The following GPC6 variants were observed in gnomAD, a reference collection of about 807,000 sequenced individuals.
GPC6 encodes the protein glypican 6, also known as glypican-6.
Under a neutral mutation model 55.2 loss-of-function variants are expected in GPC6, and 14 were observed. The observed-to-expected ratio is 0.25, with a 90% CI of 0.17 to 0.40. GPC6 has a LOEUF of 0.40. GPC6 is among the 10% of genes least tolerant of loss of function. The pLI, the probability that GPC6 is intolerant of heterozygous loss-of-function variation, is 1.00. For synonymous variants in GPC6, 278 were observed against 259.6 expected (o/e 1.07, Z -0.68); for missense variants, 641 against 708.5 (o/e 0.90, Z 1.08).
intron 1 of GPC6, among the ~76,000 whole-genome samples, chr13:93,324,457 T>C (rs1276642350): frequency 6.6e-6 from 1 of 151,278 alleles, no homozygotes; most frequent in African/African-American, 2.4e-5. Context: ...AAAGGATAGA[T>C]ACTTAGGGGG....
At chr13:93,600,943 C>G (rs974475049) in intron 2 of GPC6, among the ~76,000 whole-genome samples, 1 of 139,682 alleles carries the variant, frequency 7.2e-6, no homozygotes, top group African/African-American at 2.8e-5. Flanking sequence ...GTGGGAAATT[C>G]CGCCTCAAAA....
chr13:93,344,287 G>T (rs1880360255), intron 1 of GPC6, among the ~76,000 whole-genome samples: 1 of 152,190 alleles, frequency 6.6e-6, no homozygotes, highest in Non-Finnish European at 1.5e-5. Flanking sequence ...CAAGTGGGCA[G>T]GGCCAGAAGA....
intron 4 of GPC6, among the ~76,000 whole-genome samples, chr13:94,239,869 G>A (rs1029389839): frequency 1.3e-5 from 2 of 152,042 alleles, no homozygotes; most frequent in Non-Finnish European, 1.5e-5. Context: ...AGCTCTATTC[G>A]CCTTTCAAGT....
intron 1 of GPC6, among the ~76,000 whole-genome samples, chr13:93,494,639 C>G (rs1008593579): frequency 2.0e-5 from 3 of 152,076 alleles, no homozygotes; most frequent in African/African-American, 7.2e-5. Context: ...TACATTTTGG[C>G]ATGATTTTGC....
chr13:93,607,719 G>A (rs777313210), intron 2 of GPC6, among the ~76,000 whole-genome samples: 2 of 152,198 alleles, frequency 1.3e-5, no homozygotes, highest in Middle Eastern at 3.4e-3. Context: ...TTAGAATAGC[G>A]TTCAATTTTC....
At chr13:93,384,561 G>A (rs1875319931) in intron 1 of GPC6, among the ~76,000 whole-genome samples, 1 of 152,136 alleles carries the variant, frequency 6.6e-6, no homozygotes, top group Non-Finnish European at 1.5e-5. Flanking sequence ...ACAAAGATCT[G>A]TAACTGTAAA....
intron 2 of GPC6, among the ~76,000 whole-genome samples, chr13:93,751,486 T>A (rs1884589269): frequency 6.6e-6 from 1 of 151,818 alleles, no homozygotes; most frequent in Non-Finnish European, 1.5e-5. Flanking sequence ...TATAAGTCCT[T>A]TTTACTTGTA....
At chr13:93,365,385 T>C (rs540687917) in intron 1 of GPC6, among the ~76,000 whole-genome samples, 1 of 152,226 alleles carries the variant, frequency 6.6e-6, no homozygotes, top group South Asian at 2.1e-4. Flanking sequence ...CCAACCCACT[T>C]TCTTACTTTT....
chr13:93,822,844 ATTAT>A (rs1047759386), intron 2 of GPC6, among the ~76,000 whole-genome samples: 2 of 146,492 alleles, frequency 1.4e-5, no homozygotes, highest in African/African-American at 5.1e-5. Context: ...TATTATTATT[ATTAT>A]TATTATTTTA....
In GPC6 at chr13:93,529,190, C is replaced by A. The variant is rs375632820; in HGVS notation, c.161-16073C>A. Reference sequence around the variant, plus strand: ...TACTCTGTTGTATTTTAAGCTTGAACGCTGATGCTAACTGATGTTAGGTCC... The same window carrying A: ...TACTCTGTTGTATTTTAAGCTTGAAAGCTGATGCTAACTGATGTTAGGTCC... On this transcript the variant is annotated intron_variant, in intron 1 of 8. Coordinates refer to ENST00000377047, the MANE Select transcript of GPC6 (RefSeq NM_005708.5). 2.0e-5 allele frequency among the ~76,000 whole-genome samples: 3 copies of A among 152,134 alleles called. No individual in the cohort carries two copies. In the South Asian group the frequency reaches 6.2e-4, roughly 31 times the overall value.
chr13:93,280,506 A>T (rs1877913720), intron 1 of GPC6, among the ~76,000 whole-genome samples: 1 of 152,262 alleles, frequency 6.6e-6, no homozygotes, highest in Non-Finnish European at 1.5e-5. Context: ...TTATATATGG[A>T]TATGGCACTT....
intron 1 of GPC6, among the ~76,000 whole-genome samples, chr13:93,389,339 T>C (rs1454657189): frequency 7.0e-6 from 1 of 143,862 alleles, no homozygotes. Flanking sequence ...CTACTAAAAA[T>C]ACAAAAAAAA....
At chr13:93,971,931 C>T (rs943432274) in intron 3 of GPC6, among the ~76,000 whole-genome samples, 2 of 152,198 alleles carry the variant, frequency 1.3e-5, no homozygotes, top group African/African-American at 4.8e-5. Context: ...TAGGCTCACG[C>T]TGGGCAGGAG....
At chr13:93,876,506 A>G (rs1348242951) in intron 3 of GPC6, among the ~76,000 whole-genome samples, 1 of 152,086 alleles carries the variant, frequency 6.6e-6, no homozygotes, top group Non-Finnish European at 1.5e-5. Flanking sequence ...TCTAGATTAT[A>G]GAGGGCACGG....
intron 1 of GPC6, among the ~76,000 whole-genome samples, chr13:93,360,072 C>T (rs1880991312): frequency 6.6e-6 from 1 of 152,086 alleles, no homozygotes; most frequent in Non-Finnish European, 1.5e-5. Context: ...AAGAAAATGT[C>T]TAGTTCCTAG....
chr13:93,344,481 TC>T (rs1880366335), intron 1 of GPC6, among the ~76,000 whole-genome samples: 1 of 152,206 alleles, frequency 6.6e-6, no homozygotes, highest in Non-Finnish European at 1.5e-5. Context: ...GCCCCTATTT[TC>T]CAGGTCTCTG....
intron 4 of GPC6, among the ~76,000 whole-genome samples, chr13:94,052,281 A>T (rs893721108): frequency 3.3e-5 from 5 of 152,222 alleles, no homozygotes; most frequent in African/African-American, 9.6e-5. Flanking sequence ...GTCATGCATT[A>T]TAAGCAGAGA....
At chr13:93,843,891 A>G (rs1039346430) in intron 3 of GPC6, among the ~76,000 whole-genome samples, 1 of 152,124 alleles carries the variant, frequency 6.6e-6, no homozygotes, top group African/African-American at 2.4e-5. Flanking sequence ...TTCTGTACCT[A>G]TTTTTTAACC....
chr13:93,988,586 G>A (rs1468486143), intron 3 of GPC6, among the ~76,000 whole-genome samples: 1 of 152,104 alleles, frequency 6.6e-6, no homozygotes, highest in Admixed American at 6.6e-5. Flanking sequence ...CATTTTAATA[G>A]ATGGGTTCTC....
Sources: gnomAD v4.1 joint callset for allele counts (sites outside exome capture counted in the v4.1 genomes callset) on GRCh38, gnomAD v4.1.1 for gene constraint, MANE v1.5 for transcripts, NCBI Gene and HGNC (gene_info 2026-07-23, HGNC 2026-07-21) for gene names.